MYBL2: variants seen among roughly 807,000 people sequenced by gnomAD.
The protein encoded by MYBL2 is myb-related protein B.
MYBL2 carries 28 observed loss-of-function variants against 79.9 expected under a neutral mutation model. The observed-to-expected ratio is 0.35, with a 90% confidence interval of 0.26 to 0.48. MYBL2 has a LOEUF of 0.48. Ranked by LOEUF, MYBL2 falls within the 20% of genes least tolerant of loss-of-function variation. The pLI, the probability that MYBL2 is intolerant of heterozygous loss-of-function variation, is 0.99. For missense variants in MYBL2, 735 were observed against 893.9 expected (o/e 0.82, Z 2.27); for synonymous variants, 378 against 361.2 (o/e 1.05, Z -0.53).
intron 2 of MYBL2, among the ~76,000 whole-genome samples, chr20:43,675,904 A>G (rs1986996890): frequency 1.2e-5 from 1 of 86,016 alleles, no homozygotes; most frequent in East Asian, 3.3e-4. Context: ...GTGGTACCCA[A>G]TAGGTAGTTT....
rs878889279 is a variant in MYBL2, at chr20:43,670,953, A to G, written c.21-2853A>G. On this transcript the variant is annotated intron_variant, in intron 1 of 13. Transcript: ENST00000217026. The stretch of plus-strand genomic sequence containing the variant: ...CCTGACATCTCTGGAGGTGGATCCT[A>G]TGATTTCTTTTTTTTCTTTTTTTTT... 3.5e-3 allele frequency among the ~76,000 whole-genome samples: 342 copies of G among 98,328 alleles called. 3 individuals are homozygous for G. Among genetic ancestry groups the G allele is most frequent in the Admixed American group, 0.029 (250 of 8,744 alleles). 64.5% of individuals were successfully genotyped at this position (98,328 alleles called of 152,430 possible).
chr20:43,702,025 G>T (rs189036830), intron 7 of MYBL2, among the ~76,000 whole-genome samples: 1 of 152,226 alleles, frequency 6.6e-6, no homozygotes, highest in African/African-American at 2.4e-5. Flanking sequence ...TACTCAGGAG[G>T]CTGAGGCAGG....
rs2145738922 is a variant in MYBL2 at position 43,715,968 on chromosome 20, G to A, written c.1984G>A (p.Ala662Thr). The A allele has an allele frequency of 6.2e-7, 1 of 1,611,450 alleles. No individual in the cohort carries two copies. Among genetic ancestry groups the A allele is most frequent in the East Asian group, 2.2e-5 (1 of 44,852 alleles). ...TCTTGCCTCCTCCCAGATGTCCAGT[G>A]CCTGGAAGACGGTGGCCTGCGGGGG... ...HFTTPAPMSSAWKTVACGGTR... is the reference protein window; with the variant it reads ...HFTTPAPMSSTWKTVACGGTR... Residue 662 changes from alanine to threonine, a missense_variant, in exon 14 of 14, where the codon GCC becomes ACC. Around this residue, in one of 5 missense-constraint regions of MYBL2, gnomAD observed 204 missense variants for 202.9 expected, o/e 1.01. Coordinates refer to ENST00000217026, the MANE Select transcript of MYBL2 (RefSeq NM_002466.4).
chr20:43,677,684 G>A (rs1600543741), intron 2 of MYBL2, among the ~76,000 whole-genome samples: 2 of 150,712 alleles, frequency 1.3e-5, no homozygotes, highest in Admixed American at 6.6e-5. Context: ...GGGAGGTGGG[G>A]GGGTCAGCCC....
At chr20:43,678,988 G>GA (rs1271247717) in intron 2 of MYBL2, among the ~76,000 whole-genome samples, 1 of 152,084 alleles carries the variant, frequency 6.6e-6, no homozygotes, top group East Asian at 1.9e-4. Flanking sequence ...TGCGGGGATG[G>GA]AGCTGACCAC....
Position 43,702,800 on chromosome 20 carries a change from C to A in MYBL2, c.1262C>A (p.Ser421Tyr). ...CAGAGGAAGAGGCGTGTGGCTCTGTCCCCTGTCACTGAGAATAGCACCAGT... is the reference window on the plus strand; with the variant it reads ...CAGAGGAAGAGGCGTGTGGCTCTGTACCCTGTCACTGAGAATAGCACCAGT... ...KRQRKRRVAL[S>Y]PVTENSTSLS... is the part of the protein sequence containing the mutation. Residue 421 changes from serine to tyrosine, a missense_variant, in exon 8 of 14, where the codon TCC (serine) becomes TAC (tyrosine). Coordinates refer to ENST00000217026, the MANE Select transcript of MYBL2 (RefSeq NM_002466.4). 6.2e-7 allele frequency: 1 copy of A among 1,614,186 alleles called. No individual in the cohort carries two copies. Among genetic ancestry groups the A allele is most frequent in the Non-Finnish European group, 8.5e-7 (1 of 1,180,038 alleles).
chr20:43,705,672 A>ATATT (rs138328914), intron 9 of MYBL2, among the ~76,000 whole-genome samples: 12,761 of 144,694 alleles, frequency 0.088, 643 homozygotes, highest in African/African-American at 0.13. Flanking sequence ...AATTAAAAAA[A>ATATT]TATTTATTTA....
chr20:43,675,623 CTT>C (rs1278999470), intron 2 of MYBL2, among the ~76,000 whole-genome samples: 3 of 152,044 alleles, frequency 2.0e-5, no homozygotes, highest in African/African-American at 2.4e-5. Context: ...GGTTTGATCA[CTT>C]TTGACAAATG....
intron 2 of MYBL2, among the ~76,000 whole-genome samples, chr20:43,679,368 C>T (rs893575455): frequency 1.3e-5 from 2 of 152,158 alleles, no homozygotes; most frequent in Non-Finnish European, 2.9e-5. Flanking sequence ...ATCCCCTTTT[C>T]CTCCCCCTTA....
rs536331227 is a variant in MYBL2, at chr20:43,676,141, ACTC to A, written c.114+2245_114+2247del. Among the ~76,000 whole-genome samples, 841 of 150,618 alleles carry A rather than the reference ACTC, an allele frequency of 5.6e-3. 20 individuals carry two copies. Among genetic ancestry groups the A allele is most frequent in the Admixed American group, 0.04 (605 of 15,150 alleles). On this transcript the variant is annotated intron_variant, in intron 2 of 13. Transcript: ENST00000217026. The stretch of plus-strand genomic sequence containing the variant: ...AAAATGTTCACCAGGCTGATCTTGA[ACTC>A]CTGACCTCAGGTGATCTTCCCACTT...
intron 2 of MYBL2, among the ~76,000 whole-genome samples, chr20:43,674,642 C>T (rs1986962618): frequency 6.6e-6 from 1 of 151,668 alleles, no homozygotes; most frequent in Non-Finnish European, 1.5e-5. Flanking sequence ...GATCTGCCCG[C>T]CTCGGCCTCC....
chr20:43,692,387 C>A, intron 6 of MYBL2, 68 bp downstream of exon 6: 1 of 1,580,302 alleles, frequency 6.3e-7, no homozygotes. Context: ...TCATTGAACA[C>A]CTTGTCCACA....
At chr20:43,698,851 T>G (rs1384138295) in intron 6 of MYBL2, among the ~76,000 whole-genome samples, 7 of 101,354 alleles carry the variant, frequency 6.9e-5, no homozygotes, top group Non-Finnish European at 7.6e-5. Flanking sequence ...CCCTCCCTTT[T>G]TTTTTTATTA....
At chr20:43,668,485 C>T (rs1986777776) in intron 1 of MYBL2, among the ~76,000 whole-genome samples, 1 of 152,084 alleles carries the variant, frequency 6.6e-6, no homozygotes, top group Non-Finnish European at 1.5e-5. Context: ...CAGGCGTGAG[C>T]CACCTTGCCC....
At position 43,715,325 on chromosome 20, in the gene MYBL2, C is replaced by A. The variant is rs576070141; in HGVS notation, c.1974+42C>A. 233 of 1,612,560 alleles carry A rather than the reference C, an allele frequency of 1.4e-4. 1 individual carries two copies. In the South Asian group the frequency reaches 2.4e-3, roughly 17 times the overall value. On this transcript the variant is annotated intron_variant, in intron 13 of 13. Coordinates refer to ENST00000217026, the MANE Select transcript of MYBL2 (RefSeq NM_002466.4). Reference sequence around the variant, plus strand: ...TCTCTGGGGGTCCTGCAGTGCCCGCCTTCTTAGCTCAGGGCTGAGTGCTGG... The same window carrying A: ...TCTCTGGGGGTCCTGCAGTGCCCGCATTCTTAGCTCAGGGCTGAGTGCTGG...
At position 43,716,082 on chromosome 20, in the gene MYBL2, T is replaced by C. The variant is rs1053357116; in HGVS notation, c.2098T>C (p.Ser700Pro). Residue 700 changes from serine to proline, a missense_variant, in exon 14 of 14, where the codon TCC (serine) becomes CCC (proline). Physicochemically the swap from Ser to Pro is moderately conservative, Grantham distance 74 (BLOSUM62 -1). Transcript: ENST00000217026. ...PSHTSRTLIL[S>P] Reference sequence around the variant, plus strand: ...CCACACATCTCGGACCCTCATCTTGTCCTGAGGTGTTGAGGGTGTCACGAG... The same window carrying C: ...CCACACATCTCGGACCCTCATCTTGCCCTGAGGTGTTGAGGGTGTCACGAG... The C allele has an allele frequency of 6.2e-7, 1 of 1,606,758 alleles. No individual in the cohort carries two copies. The highest frequency in any genetic ancestry group is 8.5e-7 in the Non-Finnish European group (1 of 1,179,652).
Position 43,706,719 on chromosome 20 carries a change from G to GTTTTTTTTTTTTTTTTTT in MYBL2, c.1505+1375_1505+1376insTTTTTTTTTTTTTTTTTT, listed in dbSNP as rs71193702. ...CTGTCTGTACACAAAAAAAAAAAAA[G>GTTTTTTTTTTTTTTTTTT]TTTTTTTTTTTTTTGAGATGGAGTC... On this transcript the variant is annotated intron_variant, in intron 9 of 13. Transcript: ENST00000217026. Among the ~76,000 whole-genome samples, 43 of 70,758 alleles carry GTTTTTTTTTTTTTTTTTT rather than the reference G, an allele frequency of 6.1e-4. 6 individuals carry two copies. The highest frequency in any genetic ancestry group is 8.0e-4 in the East Asian group (2 of 2,496). The allele number at this position is 70,758 out of a possible 152,430, so 46.4% of individuals were successfully genotyped here. A position where few individuals can be genotyped will look rare whatever the true frequency, so the allele number is the denominator to read the frequency against.
In MYBL2 at chr20:43,698,729, C is replaced by T. The variant is rs1277743551; in HGVS notation, c.664-1028C>T. Among the ~76,000 whole-genome samples, 16 of 143,624 alleles carry T rather than the reference C, an allele frequency of 1.1e-4. No individual in the cohort carries two copies. In the South Asian group the frequency reaches 1.4e-3, roughly 12 times the overall value. 94.2% of individuals were successfully genotyped at this position (143,624 alleles called of 152,430 possible). A position where few individuals can be genotyped will look rare whatever the true frequency, so the allele number is the denominator to read the frequency against. On this transcript the variant is annotated intron_variant, in intron 6 of 13. Transcript: ENST00000217026. ...TGTACCCCAGACTGTAGTGCAGTGG[C>T]GTGATCATAGCTCACTGCAACCTTG...
Position 43,673,822 on chromosome 20 carries a change from C to A in MYBL2, c.37C>A (p.Leu13Met). The A allele has an allele frequency of 6.4e-7, 1 of 1,564,196 alleles. No individual in the cohort carries two copies. ...TCCCCATAGCGAGGATCTGGATGAG[C>A]TGCACTACCAGGACACAGATTCAGA... Reference protein sequence around the residue: ...RRTRCEDLDELHYQDTDSDVP... With the variant: ...RRTRCEDLDEMHYQDTDSDVP... The change falls in exon 2 of 14, where the codon CTG becomes ATG. Residue 13 changes from leucine to methionine, a missense_variant. By Grantham distance (15) the Leu-to-Met change is conservative (BLOSUM62 2). This residue lies in a region of MYBL2 where 79 missense variants were observed against 86.7 expected (regional missense o/e 0.91). Transcript: ENST00000217026.
Sources: allele counts gnomAD v4.1 joint callset (sites outside exome capture counted in the v4.1 genomes callset), GRCh38; gene constraint gnomAD v4.1.1; regional missense constraint gnomAD v4.1.1; transcripts MANE v1.5; gene names NCBI Gene and HGNC (gene_info 2026-07-23, HGNC 2026-07-21).